XRN1: variants seen among roughly 807,000 people sequenced by gnomAD.
The protein encoded by XRN1 is strand-exchange protein 1 homolog.
Under a neutral mutation model 222.3 loss-of-function variants are expected in XRN1, and 67 were observed. That is an observed-to-expected ratio of 0.30 (90% confidence interval 0.25 to 0.37). The LOEUF (loss-of-function observed/expected upper bound fraction) is 0.37. Among genes scored for constraint, XRN1 ranks in the 10% least tolerant of loss-of-function variants. The pLI, the probability that XRN1 is intolerant of heterozygous loss-of-function variation, is 1.00. For missense variants in XRN1, 1,707 were observed against 2,000.2 expected (o/e 0.85, Z 2.80); for synonymous variants, 643 against 652.4 (o/e 0.99, Z 0.22).
At chr3:142,444,938 T>A (rs1181536832) in intron 1 of XRN1, among the ~76,000 whole-genome samples, 1 of 152,250 alleles carries the variant, frequency 6.6e-6, no homozygotes, top group Non-Finnish European at 1.5e-5. Flanking sequence ...AATATGCATT[T>A]CTATATGCTA....
chr3:142,352,222 C>A (rs1203370811), intron 32 of XRN1, among the ~76,000 whole-genome samples: 1 of 152,144 alleles, frequency 6.6e-6, no homozygotes, highest in African/African-American at 2.4e-5. Flanking sequence ...ACCCTGTCAT[C>A]TGTTTTGGCC....
intron 2 of XRN1, among the ~76,000 whole-genome samples, chr3:142,427,832 A>G (rs1199912959): frequency 3.3e-5 from 5 of 152,202 alleles, no homozygotes; most frequent in African/African-American, 1.2e-4. Flanking sequence ...CAAGTTAGGA[A>G]GCTCTGCTTT....
intron 37 of XRN1, among the ~76,000 whole-genome samples, chr3:142,321,183 G>C (rs2065344982): frequency 7.1e-6 from 1 of 141,212 alleles, no homozygotes; most frequent in Non-Finnish European, 1.5e-5. Flanking sequence ...GCAGTAGCGT[G>C]ATCTTGGCTC....
At chr3:142,384,285 G>A (rs73238171) in intron 21 of XRN1, among the ~76,000 whole-genome samples, 10,464 of 127,210 alleles carry the variant, frequency 0.082, 1,248 homozygotes, top group African/African-American at 0.28. Flanking sequence ...AAAAAAAAAA[G>A]AAAAAAAAAA....
intron 25 of XRN1, among the ~76,000 whole-genome samples, chr3:142,371,647 CACA>C (rs2066995110): frequency 6.6e-6 from 1 of 152,128 alleles, no homozygotes; most frequent in Non-Finnish European, 1.5e-5. Flanking sequence ...TTCTAATTTT[CACA>C]ACAAAACTAG....
chr3:142,426,163 G>A (rs2069237510), intron 3 of XRN1, among the ~76,000 whole-genome samples: 1 of 152,114 alleles, frequency 6.6e-6, no homozygotes. Context: ...GAACTGATGA[G>A]AAAGTTAGAT....
chr3:142,412,716 G>GT (rs2068632935), intron 14 of XRN1, 53 bp from the exon 15 acceptor site: 1 of 1,300,560 alleles, frequency 7.7e-7, no homozygotes, highest in Non-Finnish European at 1.0e-6. Flanking sequence ...TATCAATATA[G>GT]TTTTTTGTTA....
intron 15 of XRN1, among the ~76,000 whole-genome samples, chr3:142,407,315 TG>T (rs2068379401): frequency 6.6e-6 from 1 of 152,220 alleles, no homozygotes; most frequent in East Asian, 1.9e-4. Context: ...AAAAATTCAA[TG>T]CTGTGACTTT....
At chr3:142,323,201 A>C (rs2065408538) in intron 37 of XRN1, among the ~76,000 whole-genome samples, 1 of 152,092 alleles carries the variant, frequency 6.6e-6, no homozygotes. Context: ...TGGAGGACAA[A>C]AATGTTTATT....
At chr3:142,336,580 G>A (rs2065858231) in intron 33 of XRN1, among the ~76,000 whole-genome samples, 1 of 151,380 alleles carries the variant, frequency 6.6e-6, no homozygotes, top group African/African-American at 2.4e-5. Flanking sequence ...AGGACAAAGG[G>A]GAGAAGGAAG....
At chr3:142,336,622 A>G (rs2065859852) in intron 33 of XRN1, among the ~76,000 whole-genome samples, 1 of 151,632 alleles carries the variant, frequency 6.6e-6, no homozygotes, top group African/African-American at 2.4e-5. Context: ...AGAGGAAAAG[A>G]GAAGGGGAGG....
intron 27 of XRN1, among the ~76,000 whole-genome samples, chr3:142,367,160 G>A (rs913735079): frequency 6.6e-6 from 1 of 152,216 alleles, no homozygotes; most frequent in Admixed American, 6.5e-5. Flanking sequence ...GGTGGTGCCT[G>A]CATGTAGTCC....
chr3:142,423,466 G>T, intron 6 of XRN1, 94 bp downstream of exon 6: 2 of 979,342 alleles, frequency 2.0e-6, no homozygotes, highest in South Asian at 5.1e-5. Flanking sequence ...GGCAACCTAC[G>T]GAATGAGATA....
In XRN1 at chr3:142,447,883, A is replaced by G; in HGVS notation, c.62T>C (p.Val21Ala). The change falls in exon 1 of 41, where the codon GTG becomes GCG. Residue 21 changes from valine (V) to alanine (A), a missense_variant. By Grantham distance (64) the Val-to-Ala change is moderately conservative. Coordinates refer to ENST00000392981, the MANE Select transcript of XRN1 (RefSeq NM_001282857.2). This position sits in a 1 kb window ranked among gnomAD's most constrained non-coding sequence, Gnocchi z 4.2. ...SERYPCLSEV[V>A]KEHQIPEFDN... ...TCGCTCACCCACCTGATGCTCTTTCACCACTTCGCTGAGACAGGGATACCG... is the reference window on the plus strand; with the variant it reads ...TCGCTCACCCACCTGATGCTCTTTCGCCACTTCGCTGAGACAGGGATACCG... 1 of 1,613,522 alleles carries G rather than the reference A, an allele frequency of 6.2e-7. No individual in the cohort carries two copies. Among genetic ancestry groups the G allele is most frequent in the Non-Finnish European group, 8.5e-7 (1 of 1,179,822 alleles).
At chr3:142,409,153 C>T (rs1289021194) in intron 15 of XRN1, among the ~76,000 whole-genome samples, 1 of 152,022 alleles carries the variant, frequency 6.6e-6, no homozygotes. Context: ...CTTATCTACT[C>T]TTTTTTAAAT....
intron 1 of XRN1, among the ~76,000 whole-genome samples, chr3:142,442,212 C>A (rs2070250546): frequency 6.6e-6 from 1 of 152,178 alleles, no homozygotes; most frequent in Admixed American, 6.5e-5. Context: ...TTGGAGGGAA[C>A]ACCTATCAAA....
chr3:142,349,048 G>A (rs2066233772), intron 32 of XRN1, among the ~76,000 whole-genome samples: 1 of 152,102 alleles, frequency 6.6e-6, no homozygotes, highest in Admixed American at 6.5e-5. Flanking sequence ...CGACTCCTGG[G>A]TTCAAGTGAT....
chr3:142,422,520 A>G, intron 8 of XRN1, 62 bp downstream of exon 8: 1 of 1,519,238 alleles, frequency 6.6e-7, no homozygotes, highest in Non-Finnish European at 9.0e-7. Context: ...ACTAAGTCAC[A>G]TTTTTAGGGT....
Position 142,318,848 on chromosome 3 carries a change from T to A in XRN1, c.4460A>T (p.Gln1487Leu). 1 of 1,614,032 alleles carries A rather than the reference T, an allele frequency of 6.2e-7. No homozygotes were observed. The highest frequency in any genetic ancestry group is 1.7e-4 in the Middle Eastern group (1 of 6,028). ...TTTGGCTTCATTTTCAGAGTGGCACTGTGGCCCATGTACCAGTAAGCCATT... is the reference window on the plus strand; with the variant it reads ...TTTGGCTTCATTTTCAGAGTGGCACAGTGGCCCATGTACCAGTAAGCCATT... The part of the protein sequence containing the change: ...LSNGLLVHGP[Q>L]CHSENEAKEK... Residue 1487 changes from glutamine (Q) to leucine (L), a missense_variant, in exon 38 of 41, where the codon CAG becomes CTG. Around this residue, in one of 2 missense-constraint regions of XRN1, gnomAD observed 473 missense variants for 482.0 expected, o/e 0.98. Coordinates refer to ENST00000392981, the MANE Select transcript of XRN1 (RefSeq NM_001282857.2).
Sources: gnomAD v4.1 joint callset for allele counts (sites outside exome capture counted in the v4.1 genomes callset) on GRCh38, gnomAD v4.1.1 for gene constraint, gnomAD v4.1.1 regional missense constraint, Gnocchi (gnomAD v3.1) non-coding constraint, MANE v1.5 for transcripts, NCBI Gene and HGNC (gene_info 2026-07-23, HGNC 2026-07-21) for gene names.